Variants in CLPB observed in about 807,000 individuals in gnomAD.
CLPB encodes the protein ClpB family mitochondrial disaggregase.
Under a neutral mutation model 78.4 loss-of-function variants are expected in CLPB, and 40 were observed. The observed-to-expected ratio is 0.51, with a 90% CI of 0.40 to 0.66. The LOEUF (loss-of-function observed/expected upper bound fraction) is 0.66. CLPB is among the 30% of genes least tolerant of loss of function. The probability of loss-of-function intolerance (pLI) is 0.00; values close to 1 mark genes in which losing one functional copy is unlikely to be tolerated. For missense variants in CLPB, 780 were observed against 886.9 expected (o/e 0.88, Z 1.53); for synonymous variants, 333 against 348.0 (o/e 0.96, Z 0.48).
Position 72,433,325 on chromosome 11 carries a change from C to T in CLPB, c.403+747G>A, listed in dbSNP as rs577894575. Among the ~76,000 whole-genome samples the T allele has an allele frequency of 1.9e-4, 29 of 152,164 alleles. No homozygotes were observed. In the East Asian group the frequency reaches 5.6e-3, roughly 29 times the overall value. ...CTGTAATCCCAGTACTTTGGGAGGC[C>T]AAGGCGGGTGGATCAGGAGGTCAAG... On this transcript the variant is annotated intron_variant, in intron 1 of 15. Transcript: ENST00000538039.
chr11:72,389,205 C>A (rs1855173807), intron 3 of CLPB, among the ~76,000 whole-genome samples: 1 of 152,134 alleles, frequency 6.6e-6, no homozygotes, highest in African/African-American at 2.4e-5. Flanking sequence ...AAAGAAATCC[C>A]CAACTCAAAA....
intron 3 of CLPB, among the ~76,000 whole-genome samples, chr11:72,386,347 C>T (rs1236743121): frequency 6.6e-6 from 1 of 152,128 alleles, no homozygotes. Context: ...GCTTACTAAC[C>T]TTCAAAACTG....
intron 3 of CLPB, among the ~76,000 whole-genome samples, chr11:72,393,492 C>T (rs1471568029): frequency 6.6e-6 from 1 of 152,190 alleles, no homozygotes; most frequent in African/African-American, 2.4e-5. Context: ...TCCCATTTTG[C>T]AGATGGGTAA....
At chr11:72,307,085 A>C in intron 9 of CLPB, 114 bp downstream of exon 9, 3 of 905,286 alleles carry the variant, frequency 3.3e-6, no homozygotes, top group Non-Finnish European at 5.3e-6. Context: ...TTCCTGGGTC[A>C]GGGCCCATCT....
At chr11:72,361,681 T>C (rs1397223193) in intron 4 of CLPB, among the ~76,000 whole-genome samples, 2 of 152,198 alleles carry the variant, frequency 1.3e-5, no homozygotes. Context: ...GATATAATGA[T>C]GAACCTGACG....
intron 5 of CLPB, among the ~76,000 whole-genome samples, chr11:72,335,443 T>C (rs75665552): frequency 0.018 from 2,713 of 152,336 alleles, 40 homozygotes; most frequent in East Asian, 0.068. Flanking sequence ...CCCAAGCTCA[T>C]GGCTCTCCCA....
intron 4 of CLPB, among the ~76,000 whole-genome samples, chr11:72,365,633 G>T (rs920574269): frequency 6.7e-6 from 1 of 149,576 alleles, no homozygotes; most frequent in South Asian, 2.1e-4. Flanking sequence ...AAAGCCAAAG[G>T]TATCAGACTA....
At chr11:72,392,060 TGTTGG>T (rs896241786) in intron 3 of CLPB, among the ~76,000 whole-genome samples, 2 of 151,916 alleles carry the variant, frequency 1.3e-5, no homozygotes, top group African/African-American at 4.8e-5. Context: ...CTCAGGCTTG[TGTTGG>T]GCCAGGCGCG....
At chr11:72,413,047 G>A (rs562824621) in intron 2 of CLPB, among the ~76,000 whole-genome samples, 60 of 152,140 alleles carry the variant, frequency 3.9e-4, no homozygotes, top group Non-Finnish European at 6.9e-4. Flanking sequence ...CCAGCACTTT[G>A]GGAGGCCAAG....
At position 72,414,633 on chromosome 11, in the gene CLPB, C is replaced by T. The variant is rs146809653; in HGVS notation, c.456-11581G>A. ...CCTCTGTGTTGGGCATTGACAGACA[C>T]CGAAGTCAATCAGACATGAATCTTG... On this transcript the variant is annotated intron_variant, in intron 2 of 15. Transcript: ENST00000538039. 5.4e-4 allele frequency among the ~76,000 whole-genome samples: 83 copies of T among 152,300 alleles called. 1 individual carries two copies. In the East Asian group the frequency reaches 0.015, roughly 27 times the overall value.
chr11:72,399,258 G>C (rs934203151), intron 3 of CLPB, among the ~76,000 whole-genome samples: 2 of 151,702 alleles, frequency 1.3e-5, no homozygotes, highest in African/African-American at 2.4e-5. Flanking sequence ...CAGATAAAGG[G>C]AATTCAGGTG....
At chr11:72,399,760 A>G (rs1303707992) in intron 3 of CLPB, among the ~76,000 whole-genome samples, 2 of 152,240 alleles carry the variant, frequency 1.3e-5, no homozygotes, top group African/African-American at 4.8e-5. Context: ...CCTTGAATCA[A>G]GGGTGCTCCC....
intron 3 of CLPB, among the ~76,000 whole-genome samples, chr11:72,389,337 C>T (rs922036715): frequency 6.6e-5 from 10 of 152,216 alleles, no homozygotes; most frequent in Non-Finnish European, 1.5e-4. Context: ...AAGGTAGGCA[C>T]TGCTACTGGA....
At chr11:72,331,413 A>AAG (rs1565442952) in intron 5 of CLPB, among the ~76,000 whole-genome samples, 1 of 151,570 alleles carries the variant, frequency 6.6e-6, no homozygotes, top group East Asian at 2.0e-4. Context: ...CAAAAAAAAA[A>AAG]AAAAATTTTA....
At chr11:72,305,578 G>A (rs554493078) in intron 9 of CLPB, among the ~76,000 whole-genome samples, 2 of 152,320 alleles carry the variant, frequency 1.3e-5, no homozygotes, top group Non-Finnish European at 1.5e-5. Context: ...CCAGTAGAAA[G>A]TAGAAGCACC....
chr11:72,295,742 C>T, intron 11 of CLPB, 94 bp from the exon 12 acceptor site: 3 of 1,268,274 alleles, frequency 2.4e-6, no homozygotes, highest in Non-Finnish European at 2.2e-6. Flanking sequence ...GGAGGCCTCC[C>T]CAGAGCCCTG....
At chr11:72,295,761 T>A in intron 11 of CLPB, 113 bp from the exon 12 acceptor site, 1 of 1,036,848 alleles carries the variant, frequency 9.6e-7, no homozygotes, top group Non-Finnish European at 1.4e-6. Context: ...TGTGTCTCCC[T>A]CCAGCCCCAG....
chr11:72,349,745 C>A (rs1456214652), intron 5 of CLPB, among the ~76,000 whole-genome samples: 2 of 152,238 alleles, frequency 1.3e-5, no homozygotes, highest in East Asian at 1.9e-4. Context: ...ACAGCACATA[C>A]GCTGGAGGGG....
rs1336346353 is a variant in CLPB, at chr11:72,292,033, ACT to A, written c.*1332_*1333del. Reference sequence around the variant, plus strand: ...ACTCCAGCTTGGGGGACAGAGTGAGACTCTGTCTCAAAAAAAAAAAAAAAAAA... The same window carrying A: ...ACTCCAGCTTGGGGGACAGAGTGAGACTGTCTCAAAAAAAAAAAAAAAAAA... On this transcript the variant is annotated 3_prime_UTR_variant, in exon 16 of 16. Coordinates refer to ENST00000538039, the MANE Select transcript of CLPB (RefSeq NM_001258392.3). The A allele has an allele frequency of 2.5e-5, 3 of 122,274 alleles. No individual in the cohort carries two copies. The highest frequency in any genetic ancestry group is 3.2e-5 in the Non-Finnish European group (2 of 62,038). 7.6% of individuals were successfully genotyped at this position (122,274 alleles called of 1,614,324 possible).
Sources: gnomAD v4.1 joint callset for allele counts (sites outside exome capture counted in the v4.1 genomes callset) on GRCh38, gnomAD v4.1.1 for gene constraint, MANE v1.5 for transcripts, NCBI Gene and HGNC (gene_info 2026-07-23, HGNC 2026-07-21) for gene names.